Variants in PSMB7 observed in about 807,000 individuals in gnomAD.
The protein encoded by PSMB7 is proteasome subunit beta type-7.
A neutral mutation model predicts 28.1 loss-of-function variants in PSMB7; 5 were observed. That is an observed-to-expected ratio of 0.18 (90% CI 0.09 to 0.37). PSMB7 has a LOEUF of 0.37. Ranked by LOEUF, PSMB7 falls within the 10% of genes least tolerant of loss-of-function variation. PSMB7 has a pLI of 1.00. For missense variants in PSMB7, 275 were observed against 346.2 expected (o/e 0.79, Z 1.63); for synonymous variants, 122 against 123.7 (o/e 0.99, Z 0.09).
chr9:124,387,297 T>A (rs559102869), intron 5 of PSMB7, among the ~76,000 whole-genome samples: 1 of 152,230 alleles, frequency 6.6e-6, no homozygotes, highest in South Asian at 2.1e-4. Flanking sequence ...GAAACAATAT[T>A]ACAGACAAAA....
intron 5 of PSMB7, among the ~76,000 whole-genome samples, chr9:124,386,234 A>G (rs927522934): frequency 6.6e-6 from 1 of 152,236 alleles, no homozygotes; most frequent in African/African-American, 2.4e-5. Context: ...ATATAAAACT[A>G]GTAAACTCAG....
intron 5 of PSMB7, among the ~76,000 whole-genome samples, chr9:124,397,159 T>G (rs1277897646): frequency 6.6e-6 from 1 of 152,172 alleles, no homozygotes; most frequent in African/African-American, 2.4e-5. Flanking sequence ...TCAAGTAACC[T>G]CTCTGAGCCT....
intron 5 of PSMB7, among the ~76,000 whole-genome samples, chr9:124,385,565 T>C (rs1227214122): frequency 2.6e-5 from 4 of 152,344 alleles, no homozygotes; most frequent in South Asian, 2.1e-4. Context: ...GGAGAGAGGA[T>C]AGAGTTGCCC....
chr9:124,394,519 A>G (rs1222484433), intron 5 of PSMB7, among the ~76,000 whole-genome samples: 1 of 152,168 alleles, frequency 6.6e-6, no homozygotes, highest in East Asian at 1.9e-4. Flanking sequence ...AAGGGCTTTT[A>G]CTTGGTTGTA....
chr9:124,412,245 G>A (rs1440756931), intron 4 of PSMB7, 107 bp downstream of exon 4: 3 of 1,129,174 alleles, frequency 2.7e-6, no homozygotes, highest in African/African-American at 3.1e-5. Context: ...GGAACAAAAT[G>A]TGTATTTCTG....
At chr9:124,391,704 G>A (rs1458241130) in intron 5 of PSMB7, among the ~76,000 whole-genome samples, 3 of 150,240 alleles carry the variant, frequency 2.0e-5, no homozygotes, top group Non-Finnish European at 2.9e-5. Flanking sequence ...AAGGTGTTTC[G>A]ATCTTAGCTT....
At chr9:124,363,277 C>A (rs1168170350) in intron 6 of PSMB7, among the ~76,000 whole-genome samples, 4 of 152,172 alleles carry the variant, frequency 2.6e-5, no homozygotes, top group Admixed American at 2.0e-4. Context: ...GGTCTGAACA[C>A]GATGTGTTTG....
intron 5 of PSMB7, among the ~76,000 whole-genome samples, chr9:124,399,552 G>A (rs1016129273): frequency 6.6e-6 from 1 of 152,184 alleles, no homozygotes; most frequent in Non-Finnish European, 1.5e-5. Flanking sequence ...TGCTGCCACT[G>A]AAGCCCAGGG....
intron 5 of PSMB7, among the ~76,000 whole-genome samples, chr9:124,399,635 C>T (rs1326833404): frequency 6.6e-6 from 1 of 152,148 alleles, no homozygotes; most frequent in Non-Finnish European, 1.5e-5. Flanking sequence ...GAGATGGCCC[C>T]AAATGAAGGC....
At chr9:124,412,127 C>T (rs1021694808) in intron 4 of PSMB7, among the ~76,000 whole-genome samples, 2 of 152,220 alleles carry the variant, frequency 1.3e-5, no homozygotes, top group South Asian at 4.1e-4. Flanking sequence ...CAGGAAATGA[C>T]TCAACTGGTG....
intron 1 of PSMB7, 159 bp downstream of exon 1, chr9:124,415,205 C>A: frequency 1.3e-6 from 1 of 799,328 alleles, no homozygotes; most frequent in Non-Finnish European, 2.0e-6. Flanking sequence ...AGGAGAAACC[C>A]ACGCCCAGGC....
chr9:124,410,246 G>A (rs750287505), intron 4 of PSMB7, among the ~76,000 whole-genome samples: 8 of 151,802 alleles, frequency 5.3e-5, no homozygotes, highest in Admixed American at 2.6e-4. Flanking sequence ...TGCCTGCCTC[G>A]GCCCCCCAAA....
intron 5 of PSMB7, among the ~76,000 whole-genome samples, chr9:124,398,678 A>G (rs1830866381): frequency 6.6e-6 from 1 of 152,242 alleles, no homozygotes. Flanking sequence ...GGGAATCTGT[A>G]TAAATATTTT....
At chr9:124,394,953 T>A (rs1043887404) in intron 5 of PSMB7, among the ~76,000 whole-genome samples, 3 of 152,226 alleles carry the variant, frequency 2.0e-5, no homozygotes, top group African/African-American at 7.2e-5. Context: ...TCTTCTAAAA[T>A]GCATCTTATA....
At chr9:124,389,823 C>T (rs1026932614) in intron 5 of PSMB7, among the ~76,000 whole-genome samples, 3 of 152,170 alleles carry the variant, frequency 2.0e-5, no homozygotes, top group Non-Finnish European at 4.4e-5. Context: ...ACATCTGCTG[C>T]GCCCCAGGAG....
At chr9:124,389,823 C>A (rs1026932614) in intron 5 of PSMB7, among the ~76,000 whole-genome samples, 23 of 152,168 alleles carry the variant, frequency 1.5e-4, no homozygotes, top group Non-Finnish European at 3.2e-4. Flanking sequence ...ACATCTGCTG[C>A]GCCCCAGGAG....
At chr9:124,395,726 A>G (rs1392116950) in intron 5 of PSMB7, among the ~76,000 whole-genome samples, 2 of 152,202 alleles carry the variant, frequency 1.3e-5, no homozygotes, top group African/African-American at 4.8e-5. Context: ...CATTTTAGAA[A>G]TAGGGGTTAT....
chr9:124,402,961 G>GT (rs764372551), intron 5 of PSMB7, among the ~76,000 whole-genome samples: 50 of 152,124 alleles, frequency 3.3e-4, no homozygotes, highest in Non-Finnish European at 6.5e-4. Context: ...TAAAAACCTT[G>GT]TAAGAGGCTA....
chr9:124,375,524 TC>T lies in PSMB7; in HGVS notation c.570+9073del, dbSNP rs376775118. ...AATTTGGGGTCTAAATACACATTTTTCCCCCCAGACAAACGAGATACCGAAA... is the reference window on the plus strand; with the variant it reads ...AATTTGGGGTCTAAATACACATTTTTCCCCCAGACAAACGAGATACCGAAA... On this transcript the variant is annotated intron_variant, in intron 6 of 7. Transcript: ENST00000259457. 7.2e-3 allele frequency among the ~76,000 whole-genome samples: 1,098 copies of T among 151,666 alleles called. 14 individuals are homozygous for T. The highest frequency in any genetic ancestry group is 0.025 in the African/African-American group (1,042 of 41,310).
Sources: allele counts gnomAD v4.1 joint callset (sites outside exome capture counted in the v4.1 genomes callset), GRCh38; gene constraint gnomAD v4.1.1; transcripts MANE v1.5; gene names NCBI Gene and HGNC (gene_info 2026-07-23, HGNC 2026-07-21).